Variants in CSMD1 observed in about 807,000 individuals in gnomAD.
The protein encoded by CSMD1 is CUB and Sushi multiple domains 1.
Under a neutral mutation model 417.5 loss-of-function variants are expected in CSMD1, and 213 were observed. The ratio of observed to expected loss-of-function variants is 0.51; its 90% CI spans 0.46 to 0.57. The LOEUF (loss-of-function observed/expected upper bound fraction) is 0.57, where lower values mean the gene tolerates loss of function less well. CSMD1 is among the 20% of genes least tolerant of loss of function. The pLI, the probability that CSMD1 is intolerant of heterozygous loss-of-function variation, is 0.00. For missense variants in CSMD1, 6,923 were observed against 4,529.7 expected (o/e 1.53, Z -15.17); for synonymous variants, 2,862 against 1,736.8 (o/e 1.65, Z -16.11).
intron 3 of CSMD1, among the ~76,000 whole-genome samples, chr8:4,369,474 A>T (rs1268108274): frequency 3.3e-5 from 5 of 152,110 alleles, no homozygotes; most frequent in African/African-American, 4.8e-5. Flanking sequence ...GTCAAGTGTC[A>T]AGGTTAAGTT....
chr8:4,705,002 G>A (rs750937363), intron 1 of CSMD1, among the ~76,000 whole-genome samples: 10 of 152,282 alleles, frequency 6.6e-5, no homozygotes, highest in African/African-American at 1.4e-4. Context: ...TTGAGGAAGC[G>A]TCCTGTAATT....
In CSMD1 at chr8:3,853,896, T is replaced by TAAAGTATAATATATTAATATATTAAAGTA. The variant is rs1218362436; in HGVS notation, c.819-99855_819-99854insTACTTTAATATATTAATATATTATACTTT. ...CTTTAATATATTAATATATTATACT[T>TAAAGTATAATATATTAATATATTAAAGTA]TAATATATTAATACATTAAAGTATA... On this transcript the variant is annotated intron_variant, in intron 5 of 69. Transcript: ENST00000635120. Among the ~76,000 whole-genome samples, 61 of 145,576 alleles carry TAAAGTATAATATATTAATATATTAAAGTA rather than the reference T, an allele frequency of 4.2e-4. 5 individuals are homozygous for TAAAGTATAATATATTAATATATTAAAGTA. The highest frequency in any genetic ancestry group is 1.4e-3 in the African/African-American group (54 of 39,880).
At chr8:3,011,599 T>C (rs904881328) in intron 52 of CSMD1, among the ~76,000 whole-genome samples, 3 of 152,152 alleles carry the variant, frequency 2.0e-5, no homozygotes, top group South Asian at 4.1e-4. Context: ...AATAGCGCAA[T>C]AAATGCAAAC....
At chr8:3,613,947 AT>A (rs1802015462) in intron 8 of CSMD1, among the ~76,000 whole-genome samples, 1 of 151,918 alleles carries the variant, frequency 6.6e-6, no homozygotes, top group African/African-American at 2.4e-5. Context: ...AATAAAAAAA[AT>A]CCGATTGGAA....
intron 1 of CSMD1, among the ~76,000 whole-genome samples, chr8:4,658,208 C>A (rs1402795051): frequency 6.6e-6 from 1 of 151,860 alleles, no homozygotes; most frequent in Non-Finnish European, 1.5e-5. Context: ...TGCAAATTTC[C>A]AAAATTTACT....
chr8:4,030,771 G>A (rs184415097), intron 4 of CSMD1, among the ~76,000 whole-genome samples: 1 of 152,144 alleles, frequency 6.6e-6, no homozygotes, highest in South Asian at 2.1e-4. Context: ...CAAAGTTCAT[G>A]AACTTTTATG....
chr8:4,362,938 G>A (rs976744667), intron 3 of CSMD1, among the ~76,000 whole-genome samples: 23 of 152,150 alleles, frequency 1.5e-4, no homozygotes, highest in African/African-American at 4.1e-4. Context: ...GTTAGGACAA[G>A]TCTATGTAAT....
At chr8:3,819,256 T>C (rs1440390586) in intron 5 of CSMD1, among the ~76,000 whole-genome samples, 2 of 152,150 alleles carry the variant, frequency 1.3e-5, no homozygotes, top group Non-Finnish European at 2.9e-5. Flanking sequence ...CTCTGCTTCA[T>C]ACCTTTCAGT....
intron 2 of CSMD1, among the ~76,000 whole-genome samples, chr8:4,560,459 C>G (rs746599224): frequency 9.9e-5 from 15 of 152,148 alleles, no homozygotes; most frequent in Non-Finnish European, 1.0e-4. Flanking sequence ...CAATCTATAA[C>G]CAAATGTATT....
intron 10 of CSMD1, among the ~76,000 whole-genome samples, chr8:3,513,739 C>T (rs1213406071): frequency 6.6e-6 from 1 of 152,150 alleles, no homozygotes; most frequent in African/African-American, 2.4e-5. Context: ...TGTTAGTTAC[C>T]ATAATAGGTC....
chr8:3,862,235 C>G (rs370687810), intron 5 of CSMD1, among the ~76,000 whole-genome samples: 4 of 152,142 alleles, frequency 2.6e-5, no homozygotes, highest in Non-Finnish European at 4.4e-5. Flanking sequence ...CTTAACCTAC[C>G]TCATACACAG....
chr8:3,295,596 G>A (rs796745106), intron 25 of CSMD1, among the ~76,000 whole-genome samples: 2 of 152,174 alleles, frequency 1.3e-5, no homozygotes, highest in African/African-American at 2.4e-5. Context: ...ATATTCCACT[G>A]TACTGATGCA....
intron 1 of CSMD1, among the ~76,000 whole-genome samples, chr8:4,954,843 T>C (rs1030073988): frequency 1.3e-5 from 2 of 152,218 alleles, no homozygotes; most frequent in African/African-American, 4.8e-5. Flanking sequence ...GCTTTTGGTG[T>C]TGACAAGATT....
intron 3 of CSMD1, among the ~76,000 whole-genome samples, chr8:4,355,124 T>C (rs147967955): frequency 0.014 from 2,115 of 151,668 alleles, 25 homozygotes; most frequent in Middle Eastern, 0.076. Flanking sequence ...TAGCCGGGCG[T>C]GGTGGCGGGC....
chr8:3,295,197 T>G (rs1459534517), intron 25 of CSMD1, among the ~76,000 whole-genome samples: 1 of 152,132 alleles, frequency 6.6e-6, no homozygotes, highest in East Asian at 1.9e-4. Flanking sequence ...TGATCTTGGC[T>G]CACTGGAAGC....
chr8:4,032,207 T>G (rs1326430624), intron 3 of CSMD1, 108 bp from the exon 4 acceptor site: 2 of 726,490 alleles, frequency 2.8e-6, no homozygotes, highest in Admixed American at 3.1e-5. Context: ...TGAGAAAACC[T>G]CTAGCATCAG....
chr8:4,218,148 T>G (rs188678706), intron 3 of CSMD1, among the ~76,000 whole-genome samples: 1 of 152,202 alleles, frequency 6.6e-6, no homozygotes, highest in Admixed American at 6.5e-5. Flanking sequence ...AACTCCTACA[T>G]GCTGAACGTT....
At chr8:3,947,621 G>T (rs1175632150) in intron 5 of CSMD1, among the ~76,000 whole-genome samples, 1 of 150,834 alleles carries the variant, frequency 6.6e-6, no homozygotes, top group African/African-American at 2.4e-5. Flanking sequence ...CAAATACGAG[G>T]AGCTTTCCCA....
intron 11 of CSMD1, among the ~76,000 whole-genome samples, chr8:3,481,130 G>A (rs563338765): frequency 7.0e-6 from 1 of 142,978 alleles, no homozygotes; most frequent in South Asian, 2.3e-4. Flanking sequence ...ACTCCAGCCT[G>A]GGCAACAGAG....
Sources: gnomAD v4.1 joint callset for allele counts (sites outside exome capture counted in the v4.1 genomes callset) on GRCh38, gnomAD v4.1.1 for gene constraint, MANE v1.5 for transcripts, NCBI Gene and HGNC (gene_info 2026-07-23, HGNC 2026-07-21) for gene names.